EIPR1: variants seen among roughly 807,000 people sequenced by gnomAD.
EIPR1 encodes the protein EARP and GARP complex-interacting protein 1.
A neutral mutation model predicts 48.1 loss-of-function variants in EIPR1; 25 were observed. The observed-to-expected ratio is 0.52, with a 90% CI of 0.38 to 0.73. The LOEUF is 0.73. Among genes scored for constraint, EIPR1 ranks in the 30% least tolerant of loss-of-function variants. The probability of loss-of-function intolerance (pLI) is 0.00; values close to 1 mark genes in which losing one functional copy is unlikely to be tolerated. For missense variants in EIPR1, 415 were observed against 506.2 expected (o/e 0.82, Z 1.73); for synonymous variants, 204 against 201.9 (o/e 1.01, Z -0.09).
chr2:3,269,260 TCAGTCATG>T (rs1441238897), intron 3 of EIPR1, among the ~76,000 whole-genome samples: 3 of 93,224 alleles, frequency 3.2e-5, no homozygotes, highest in East Asian at 2.9e-4. Flanking sequence ...GTCATCGCAC[TCAGTCATG>T]GCACTCAGTC....
At chr2:3,309,224 C>T (rs1343986023) in intron 3 of EIPR1, among the ~76,000 whole-genome samples, 1 of 152,124 alleles carries the variant, frequency 6.6e-6, no homozygotes, top group Admixed American at 6.5e-5. Flanking sequence ...CAGAGATGGC[C>T]TCGATGGAAG....
At chr2:3,367,976 C>T (rs904114743) in intron 1 of EIPR1, among the ~76,000 whole-genome samples, 6 of 151,990 alleles carry the variant, frequency 3.9e-5, no homozygotes, top group Admixed American at 2.0e-4. Flanking sequence ...ACCCGGGAGG[C>T]GGAGCTTGCA....
chr2:3,220,460 GAGTC>G (rs1230699369), intron 4 of EIPR1, among the ~76,000 whole-genome samples: 1 of 152,048 alleles, frequency 6.6e-6, no homozygotes, highest in Non-Finnish European at 1.5e-5. Flanking sequence ...TGAAATAAGT[GAGTC>G]AGGTGCACAT....
chr2:3,355,426 C>G (rs1412760472), intron 1 of EIPR1, among the ~76,000 whole-genome samples: 1 of 152,214 alleles, frequency 6.6e-6, no homozygotes, highest in South Asian at 2.1e-4. Flanking sequence ...GGCTAGCCAG[C>G]CTCCTGCCAG....
At chr2:3,226,645 CT>C (rs1373826596) in intron 4 of EIPR1, among the ~76,000 whole-genome samples, 1 of 152,150 alleles carries the variant, frequency 6.6e-6, no homozygotes, top group Non-Finnish European at 1.5e-5. Flanking sequence ...TTTGCTTTTG[CT>C]GCCTGTGCTT....
chr2:3,374,394 T>C (rs1659802710), intron 1 of EIPR1, among the ~76,000 whole-genome samples: 1 of 151,650 alleles, frequency 6.6e-6, no homozygotes, highest in Non-Finnish European at 1.5e-5. Context: ...CTCATTAAAC[T>C]AAAGAGCTTC....
chr2:3,257,931 T>G (rs1251593809), intron 3 of EIPR1, among the ~76,000 whole-genome samples: 1 of 152,250 alleles, frequency 6.6e-6, no homozygotes, highest in Non-Finnish European at 1.5e-5. Context: ...ACGCATGTTA[T>G]TCTGCCTCAG....
intron 1 of EIPR1, among the ~76,000 whole-genome samples, chr2:3,361,910 G>T (rs900367000): frequency 1.3e-5 from 2 of 152,080 alleles, no homozygotes; most frequent in African/African-American, 4.8e-5. Flanking sequence ...CTTCCCAATC[G>T]CCTCCTGCTC....
intron 3 of EIPR1, among the ~76,000 whole-genome samples, chr2:3,324,807 C>T (rs1281634457): frequency 4.6e-5 from 7 of 151,994 alleles, no homozygotes; most frequent in Non-Finnish European, 8.8e-5. Flanking sequence ...CTCAGACTTC[C>T]GAAGTGGCCG....
intron 1 of EIPR1, among the ~76,000 whole-genome samples, chr2:3,362,649 CA>C (rs34072545): frequency 0.095 from 9,533 of 100,230 alleles, 286 homozygotes; most frequent in African/African-American, 0.12. Context: ...GACTCTGTCT[CA>C]AAAAAAAAAA....
chr2:3,226,938 T>C lies in EIPR1; in HGVS notation c.417-12690A>G, dbSNP rs1666083527. On this transcript the variant is annotated intron_variant, in intron 4 of 8. Coordinates refer to ENST00000382125, the MANE Select transcript of EIPR1 (RefSeq NM_003310.5). ...TGTTCCTCCTTCACCTTCCCATGAT[T>C]GTGAGGTCTCCCCAGCCCTGTGGAA... Among the ~76,000 whole-genome samples the C allele has an allele frequency of 2.0e-5, 3 of 152,256 alleles. No individual in the cohort carries two copies. The South Asian group carries it at 6.2e-4, about 32-fold the overall frequency.
At chr2:3,341,684 CGTGTGGGAGGT>C (rs531383194) in intron 2 of EIPR1, among the ~76,000 whole-genome samples, 4 of 146,130 alleles carry the variant, frequency 2.7e-5, no homozygotes, top group Non-Finnish European at 4.5e-5. Context: ...CAGGTGCAGG[CGTGTGGGAGGT>C]GTGTGGGAGG....
chr2:3,255,752 G>C (rs555860808), intron 4 of EIPR1, among the ~76,000 whole-genome samples: 8 of 152,308 alleles, frequency 5.3e-5, no homozygotes, highest in African/African-American at 1.9e-4. Flanking sequence ...CCTGCGCAGA[G>C]TCTCACTCAT....
intron 3 of EIPR1, among the ~76,000 whole-genome samples, chr2:3,310,393 C>A (rs1004363696): frequency 9.9e-5 from 15 of 151,682 alleles, no homozygotes; most frequent in African/African-American, 3.6e-4. Flanking sequence ...GTGGCTCACG[C>A]CTGTAATCCC....
intron 3 of EIPR1, among the ~76,000 whole-genome samples, chr2:3,296,129 C>T (rs1349047654): frequency 8.1e-5 from 11 of 135,000 alleles, no homozygotes; most frequent in Non-Finnish European, 1.7e-4. Flanking sequence ...CCATCCAGCC[C>T]ATCCTCTCTG....
intron 3 of EIPR1, among the ~76,000 whole-genome samples, chr2:3,324,796 G>A (rs886644075): frequency 2.6e-5 from 4 of 152,202 alleles, no homozygotes; most frequent in Non-Finnish European, 4.4e-5. Flanking sequence ...CGGCCTGCGC[G>A]CTCAGACTTC....
chr2:3,318,156 A>G (rs1395132671), intron 3 of EIPR1, among the ~76,000 whole-genome samples: 1 of 152,262 alleles, frequency 6.6e-6, no homozygotes. Context: ...GGCCAAGGGC[A>G]GGGCGCAGAC....
At position 3,235,439 on chromosome 2, in the gene EIPR1, C is replaced by T. The variant is rs1024898396; in HGVS notation, c.417-21191G>A. ...GCGGGTGCGCACACACACACACACA[C>T]GCGTGCGCGCACACACACACACACC... On this transcript the variant is annotated intron_variant, in intron 4 of 8. Coordinates refer to ENST00000382125, the MANE Select transcript of EIPR1 (RefSeq NM_003310.5). Among the ~76,000 whole-genome samples the T allele has an allele frequency of 1.6e-3, 88 of 56,556 alleles. 2 individuals carry two copies. In the East Asian group the frequency reaches 0.018, roughly 11 times the overall value. The allele number at this position is 56,556 out of a possible 152,430, so 37.1% of individuals were successfully genotyped here.
Position 3,305,161 on chromosome 2 carries a change from C to T in EIPR1, c.259+32856G>A, listed in dbSNP as rs1291526680. 3.5e-5 allele frequency among the ~76,000 whole-genome samples: 5 copies of T among 144,004 alleles called. 1 individual carries two copies. Among genetic ancestry groups the T allele is most frequent in the Non-Finnish European group, 6.1e-5 (4 of 65,342 alleles). 94.5% of individuals were successfully genotyped at this position (144,004 alleles called of 152,430 possible). On this transcript the variant is annotated intron_variant, in intron 3 of 8. Coordinates refer to ENST00000382125, the MANE Select transcript of EIPR1 (RefSeq NM_003310.5). ...TCCCATCAGTTCAGCCCTCCACTCCCGTCCAGTTCAACCCTCCAATCCCAT... is the reference window on the plus strand; with the variant it reads ...TCCCATCAGTTCAGCCCTCCACTCCTGTCCAGTTCAACCCTCCAATCCCAT...
Sources: gnomAD v4.1 joint callset for allele counts (sites outside exome capture counted in the v4.1 genomes callset) on GRCh38, gnomAD v4.1.1 for gene constraint, MANE v1.5 for transcripts, NCBI Gene and HGNC (gene_info 2026-07-23, HGNC 2026-07-21) for gene names.